Variants in RFX3 observed in about 807,000 individuals in gnomAD.
The protein encoded by RFX3 is transcription factor RFX3.
A neutral mutation model predicts 98.6 loss-of-function variants in RFX3; 14 were observed. The observed-to-expected ratio is 0.14, with a 90% confidence interval of 0.09 to 0.22. The LOEUF is 0.22. Among genes scored for constraint, RFX3 ranks in the 10% least tolerant of loss-of-function variants. The probability of loss-of-function intolerance (pLI) is 1.00; values close to 1 mark genes in which losing one functional copy is unlikely to be tolerated. For synonymous variants in RFX3, 383 were observed against 328.4 expected, an observed-to-expected ratio of 1.17 and a Z score of -1.80; for missense variants, 639 against 926.9, an observed-to-expected ratio of 0.69 and a Z score of 4.03.
chr9:3,388,529 T>C (rs1839955736), intron 2 of RFX3, among the ~76,000 whole-genome samples: 1 of 152,148 alleles, frequency 6.6e-6, no homozygotes, highest in Non-Finnish European at 1.5e-5. Flanking sequence ...CTAGCTATTC[T>C]ATTCCTTTTA....
intron 14 of RFX3, among the ~76,000 whole-genome samples, chr9:3,252,678 T>C (rs907393947): frequency 6.6e-6 from 1 of 152,168 alleles, no homozygotes; most frequent in African/African-American, 2.4e-5. Context: ...GTGTAGGGTC[T>C]AGTAGGCCAT....
At chr9:3,336,307 C>A (rs1833169519) in intron 3 of RFX3, among the ~76,000 whole-genome samples, 1 of 151,928 alleles carries the variant, frequency 6.6e-6, no homozygotes, top group African/African-American at 2.4e-5. Context: ...ACAGACATGA[C>A]CTCTACTATT....
rs1554728006 is a variant in RFX3, at chr9:3,504,905, T to TA, written c.-9+20841dup. Among the ~76,000 whole-genome samples, 7 of 63,338 alleles carry TA rather than the reference T, an allele frequency of 1.1e-4. 1 individual carries two copies. The highest frequency in any genetic ancestry group is 2.9e-4 in the Admixed American group (1 of 3,458). The allele number at this position is 63,338 out of a possible 152,430, so 41.6% of individuals were successfully genotyped here. ...TATATATAATATAACATATATTATA[T>TA]ATATATATAATATAACATATATTAT... On this transcript the variant is annotated intron_variant, in intron 1 of 16. Coordinates refer to ENST00000617270, the MANE Select transcript of RFX3 (RefSeq NM_001282116.2).
At chr9:3,474,059 C>T (rs1407131757) in intron 1 of RFX3, among the ~76,000 whole-genome samples, 2 of 152,148 alleles carry the variant, frequency 1.3e-5, no homozygotes, top group East Asian at 3.8e-4. Flanking sequence ...CTATGAAATT[C>T]CCATGATGCT....
rs1473981796 is a variant in RFX3 at position 3,373,568 on chromosome 9, G to C, written c.117+21904C>G. Among the ~76,000 whole-genome samples the C allele has an allele frequency of 2.0e-5, 3 of 152,138 alleles. No individual in the cohort carries two copies. In the East Asian group the frequency reaches 5.8e-4, roughly 29 times the overall value. The stretch of plus-strand genomic sequence containing the variant: ...TCAGCCTTAAAATAAGAAAGTCAAA[G>C]AGATCTGTGTTTTCTCTTCTGTTCT... On this transcript the variant is annotated intron_variant, in intron 2 of 16. Transcript: ENST00000617270.
At chr9:3,501,287 T>C (rs1177032215) in intron 1 of RFX3, among the ~76,000 whole-genome samples, 2 of 152,132 alleles carry the variant, frequency 1.3e-5, no homozygotes, top group African/African-American at 2.4e-5. Context: ...TTTTTCTTAA[T>C]TTCATAATTT....
At chr9:3,420,995 G>T in intron 1 of RFX3, 27 of 512,134 alleles carry the variant, frequency 5.3e-5, no homozygotes, top group East Asian at 1.5e-4. Context: ...TGGACTCTCA[G>T]AGATAAATAT....
chr9:3,522,280 T>A (rs1320976745), intron 1 of RFX3, among the ~76,000 whole-genome samples: 1 of 152,198 alleles, frequency 6.6e-6, no homozygotes, highest in Non-Finnish European at 1.5e-5. Flanking sequence ...TATCTGTGAA[T>A]AGAGAGGAAT....
chr9:3,412,923 T>C (rs1301001092), intron 1 of RFX3, among the ~76,000 whole-genome samples: 1 of 152,132 alleles, frequency 6.6e-6, no homozygotes, highest in Admixed American at 6.6e-5. Context: ...TAAAAATCAA[T>C]AACTATAGAG....
intron 1 of RFX3, among the ~76,000 whole-genome samples, chr9:3,484,992 G>C (rs954185780): frequency 6.6e-6 from 1 of 150,828 alleles, no homozygotes; most frequent in Non-Finnish European, 1.5e-5. Flanking sequence ...CTAGCTACTT[G>C]GGAGGCTCAG....
intron 2 of RFX3, among the ~76,000 whole-genome samples, chr9:3,374,973 G>T (rs1838295871): frequency 6.6e-6 from 1 of 151,508 alleles, no homozygotes. Flanking sequence ...CATGATACAA[G>T]GTTCATGAAC....
At chr9:3,294,014 T>A (rs1226505746) in intron 5 of RFX3, among the ~76,000 whole-genome samples, 1 of 152,178 alleles carries the variant, frequency 6.6e-6, no homozygotes, top group Admixed American at 6.5e-5. Flanking sequence ...ATGTTCACAT[T>A]CTAAAGTTTT....
At chr9:3,429,334 T>C (rs1844430837) in intron 1 of RFX3, among the ~76,000 whole-genome samples, 2 of 150,696 alleles carry the variant, frequency 1.3e-5, no homozygotes, top group African/African-American at 4.8e-5. Context: ...TTTTTAGTTA[T>C]TCTTATGATT....
intron 16 of RFX3, among the ~76,000 whole-genome samples, chr9:3,225,845 T>C (rs1034152379): frequency 6.6e-6 from 1 of 152,154 alleles, no homozygotes; most frequent in African/African-American, 2.4e-5. Context: ...CCCTTAATTT[T>C]TATTATAAAA....
At position 3,491,512 on chromosome 9, in the gene RFX3, C is replaced by T. The variant is rs189683435; in HGVS notation, c.-9+34235G>A. On this transcript the variant is annotated intron_variant, in intron 1 of 16. Transcript: ENST00000617270. ...CAGTTATAAATGTTTATAATTCACC[C>T]TACTCCATTACTTCTAATCCTTTTC... Among the ~76,000 whole-genome samples the T allele has an allele frequency of 4.6e-5, 7 of 152,248 alleles. 1 individual carries two copies. In the East Asian group the frequency reaches 1.4e-3, roughly 29 times the overall value.
At chr9:3,309,451 G>T (rs1287734254) in intron 4 of RFX3, among the ~76,000 whole-genome samples, 1 of 152,126 alleles carries the variant, frequency 6.6e-6, no homozygotes, top group East Asian at 1.9e-4. Flanking sequence ...TTGTTGGAAT[G>T]AAGGACAGGC....
At chr9:3,445,971 C>T (rs1028837444) in intron 1 of RFX3, among the ~76,000 whole-genome samples, 12 of 152,104 alleles carry the variant, frequency 7.9e-5, no homozygotes, top group African/African-American at 2.9e-4. Flanking sequence ...AGATGTACCT[C>T]CTTTTACATG....
At chr9:3,487,661 G>C (rs879650650) in intron 1 of RFX3, among the ~76,000 whole-genome samples, 6 of 152,000 alleles carry the variant, frequency 3.9e-5, no homozygotes, top group Non-Finnish European at 8.8e-5. Context: ...GCAATATAGA[G>C]AGCAGCTTCG....
intron 4 of RFX3, among the ~76,000 whole-genome samples, chr9:3,302,093 C>G (rs1295727307): frequency 1.3e-5 from 2 of 151,816 alleles, no homozygotes; most frequent in Admixed American, 6.6e-5. Flanking sequence ...AAGATTCTTT[C>G]ATTAATGTCC....
Sources: gnomAD v4.1 joint callset for allele counts (sites outside exome capture counted in the v4.1 genomes callset) on GRCh38, gnomAD v4.1.1 for gene constraint, MANE v1.5 for transcripts, NCBI Gene and HGNC (gene_info 2026-07-23, HGNC 2026-07-21) for gene names.